The following PCP4 variants were observed in gnomAD, a reference collection of about 807,000 sequenced individuals.
PCP4 encodes the protein Purkinje cell protein 4.
Under a neutral mutation model 10.0 loss-of-function variants are expected in PCP4, and 8 were observed. That is an observed-to-expected ratio of 0.80 (90% CI 0.47 to 1.45). PCP4 has a LOEUF of 1.45. Ranked by LOEUF, PCP4 falls within the 40% of genes most tolerant of loss-of-function variation. The pLI is 0.00. For synonymous variants in PCP4, 21 were observed against 23.0 expected (o/e 0.91, Z 0.24); for missense variants, 54 against 74.4 (o/e 0.73, Z 1.01).
At chr21:39,889,704 C>A (rs2103435) in intron 1 of PCP4, among the ~76,000 whole-genome samples, 51,689 of 151,986 alleles carry the variant, frequency 0.34, 9,209 homozygotes, top group Admixed American at 0.48. Context: ...GCGTGAGCCA[C>A]CGTGCCCAGC....
intron 1 of PCP4, among the ~76,000 whole-genome samples, chr21:39,898,190 T>G (rs1388539231): frequency 2.6e-5 from 4 of 152,160 alleles, no homozygotes; most frequent in Admixed American, 2.6e-4. Context: ...TGCCTTCATA[T>G]TTTCATTGAA....
intron 1 of PCP4, among the ~76,000 whole-genome samples, chr21:39,877,059 C>A (rs1375163577): frequency 6.6e-6 from 1 of 152,212 alleles, no homozygotes; most frequent in African/African-American, 2.4e-5. Context: ...AATCACAGAG[C>A]TTCTTCAGAG....
At chr21:39,908,538 G>A (rs2087523958) in intron 2 of PCP4, among the ~76,000 whole-genome samples, 2 of 152,160 alleles carry the variant, frequency 1.3e-5, no homozygotes, top group Admixed American at 1.3e-4. Flanking sequence ...GGAGGGAGGA[G>A]GAGAGTAGCT....
rs543112729 is a variant in PCP4 at position 39,884,200 on chromosome 21, A to G, written c.10-14276A>G. Among the ~76,000 whole-genome samples the G allele has an allele frequency of 1.7e-4, 25 of 147,538 alleles. No individual in the cohort carries two copies. In the South Asian group the frequency reaches 5.4e-3, roughly 32 times the overall value. On this transcript the variant is annotated intron_variant, in intron 1 of 2. Coordinates refer to ENST00000328619, the MANE Select transcript of PCP4 (RefSeq NM_006198.3). ...GTCTTTTTTTTTTTTCTTTTGAGAG[A>G]TGGAATTTCTCTTTTGTTGCCCAGG...
chr21:39,892,135 C>A (rs1460444807), intron 1 of PCP4, among the ~76,000 whole-genome samples: 1 of 152,214 alleles, frequency 6.6e-6, no homozygotes, highest in East Asian at 1.9e-4. Context: ...GATCAAGGAG[C>A]CCTCAAGCGG....
At position 39,891,987 on chromosome 21, in the gene PCP4, A is replaced by G. The variant is rs531400322; in HGVS notation, c.10-6489A>G. 1.4e-3 allele frequency among the ~76,000 whole-genome samples: 207 copies of G among 152,346 alleles called. 1 individual carries two copies. Among genetic ancestry groups the G allele is most frequent in the African/African-American group, 4.8e-3 (198 of 41,586 alleles). On this transcript the variant is annotated intron_variant, in intron 1 of 2. Coordinates refer to ENST00000328619, the MANE Select transcript of PCP4 (RefSeq NM_006198.3). ...GGGGTTTAGGCCTCCGGATGACTGC[A>G]GGCAGGCCTGGATAATATCCAGCCT...
intron 1 of PCP4, among the ~76,000 whole-genome samples, chr21:39,872,499 T>A (rs545307184): frequency 3.3e-5 from 5 of 152,308 alleles, no homozygotes; most frequent in Non-Finnish European, 5.9e-5. Flanking sequence ...AAGGTCTTCA[T>A]ACTGGGAGAA....
intron 1 of PCP4, among the ~76,000 whole-genome samples, chr21:39,871,018 A>G (rs769757210): frequency 2.6e-5 from 4 of 152,242 alleles, no homozygotes; most frequent in Non-Finnish European, 4.4e-5. Flanking sequence ...TGTTCTTAGC[A>G]CCCAAACAGA....
intron 1 of PCP4, among the ~76,000 whole-genome samples, chr21:39,872,931 A>G (rs997603887): frequency 6.6e-6 from 1 of 152,234 alleles, no homozygotes; most frequent in African/African-American, 2.4e-5. Context: ...TATACGCAAC[A>G]TAAGTGCTCT....
At chr21:39,896,821 G>C (rs2087458978) in intron 1 of PCP4, among the ~76,000 whole-genome samples, 2 of 152,126 alleles carry the variant, frequency 1.3e-5, no homozygotes, top group Non-Finnish European at 2.9e-5. Flanking sequence ...AACGTCAAAG[G>C]AAACTGATTG....
intron 2 of PCP4, among the ~76,000 whole-genome samples, chr21:39,905,907 G>A (rs2087505528): frequency 6.6e-6 from 1 of 152,126 alleles, no homozygotes; most frequent in Non-Finnish European, 1.5e-5. Flanking sequence ...AATTAGCCGG[G>A]GGTGTGGTGG....
chr21:39,875,261 G>GTTT (rs11437083), intron 1 of PCP4, among the ~76,000 whole-genome samples: 13 of 149,614 alleles, frequency 8.7e-5, no homozygotes, highest in African/African-American at 2.5e-4. Flanking sequence ...TTTTCTCACA[G>GTTT]TTTTTTTTTT....
intron 1 of PCP4, among the ~76,000 whole-genome samples, chr21:39,886,750 CT>C (rs1425938788): frequency 1.3e-5 from 2 of 152,198 alleles, no homozygotes; most frequent in Non-Finnish European, 2.9e-5. Flanking sequence ...TAAATAGCAA[CT>C]GTTCCTTAAG....
At chr21:39,885,201 T>C (rs2087394103) in intron 1 of PCP4, among the ~76,000 whole-genome samples, 1 of 152,142 alleles carries the variant, frequency 6.6e-6, no homozygotes, top group African/African-American at 2.4e-5. Context: ...CCAGAGCCGT[T>C]AAATGGGTTT....
intron 2 of PCP4, among the ~76,000 whole-genome samples, chr21:39,903,867 C>CA (rs1210365373): frequency 0.027 from 945 of 34,620 alleles, 42 homozygotes; most frequent in African/African-American, 0.075. Context: ...GACTCCGTCT[C>CA]AAAAAAAACA....
chr21:39,900,723 C>T (rs1173394043), intron 2 of PCP4, among the ~76,000 whole-genome samples: 1 of 152,028 alleles, frequency 6.6e-6, no homozygotes. Context: ...TCAGATGTTC[C>T]TCATAGATAA....
At chr21:39,880,106 CTATCTATATCTA>C (rs1197131951) in intron 1 of PCP4, among the ~76,000 whole-genome samples, 1 of 141,992 alleles carries the variant, frequency 7.0e-6, no homozygotes, top group African/African-American at 2.7e-5. Context: ...ATATCTATAT[CTATCTATATCTA>C]TATCTATATC....
chr21:39,897,733 T>A (rs747247439), intron 1 of PCP4, among the ~76,000 whole-genome samples: 1 of 151,992 alleles, frequency 6.6e-6, no homozygotes, highest in South Asian at 2.1e-4. Flanking sequence ...AGTTTCTTAG[T>A]TGATTAAAAT....
intron 1 of PCP4, among the ~76,000 whole-genome samples, chr21:39,890,233 A>G (rs1393038689): frequency 6.6e-6 from 1 of 152,368 alleles, no homozygotes; most frequent in East Asian, 1.9e-4. Context: ...GGTTTCTCCA[A>G]TCTTTTCCTT....
Sources: gnomAD v4.1 joint callset for allele counts (sites outside exome capture counted in the v4.1 genomes callset) on GRCh38, gnomAD v4.1.1 for gene constraint, MANE v1.5 for transcripts, NCBI Gene and HGNC (gene_info 2026-07-23, HGNC 2026-07-21) for gene names.